Variants in TENM3 observed in about 807,000 individuals in gnomAD.
The protein encoded by TENM3 is teneurin-3.
Under a neutral mutation model 255.1 loss-of-function variants are expected in TENM3, and 63 were observed. The observed-to-expected ratio is 0.25, with a 90% CI of 0.20 to 0.30. The LOEUF (loss-of-function observed/expected upper bound fraction) is 0.30. Ranked by LOEUF, TENM3 falls within the 10% of genes least tolerant of loss-of-function variation. TENM3 has a pLI of 1.00. For synonymous variants in TENM3, 1,306 were observed against 1,322.3 expected (o/e 0.99, Z 0.27); for missense variants, 2,929 against 3,461.1 (o/e 0.85, Z 3.86).
chr4:182,326,763 A>T (rs1013844396), intron 2 of TENM3, among the ~76,000 whole-genome samples: 7 of 152,164 alleles, frequency 4.6e-5, no homozygotes, highest in Admixed American at 4.6e-4. Context: ...GACTGGTCTC[A>T]AACTCCTGGC....
the TENM3 span, among the ~76,000 whole-genome samples, chr4:181,956,619 G>A: frequency 1.3e-5 from 2 of 152,158 alleles, no homozygotes; most frequent in African/African-American, 4.8e-5. Flanking sequence ...CATCATTACT[G>A]TGCTGGAGAG....
At chr4:182,043,399 A>G in the TENM3 span, among the ~76,000 whole-genome samples, 1 of 152,176 alleles carries the variant, frequency 6.6e-6, no homozygotes, top group African/African-American at 2.4e-5. Flanking sequence ...CCTCTGTAAG[A>G]ATTTTTGCAC....
chr4:182,021,896 T>G, the TENM3 span, among the ~76,000 whole-genome samples: 1 of 152,302 alleles, frequency 6.6e-6, no homozygotes, highest in East Asian at 1.9e-4. Context: ...AAATAACATA[T>G]ACTGGCAAGG....
At chr4:182,026,520 C>T in the TENM3 span, among the ~76,000 whole-genome samples, 1 of 152,034 alleles carries the variant, frequency 6.6e-6, no homozygotes, top group Admixed American at 6.6e-5. Flanking sequence ...GGGGTATTAC[C>T]CAAGAAATAT....
At chr4:181,565,576 G>A in the TENM3 span, among the ~76,000 whole-genome samples, 1 of 152,222 alleles carries the variant, frequency 6.6e-6, no homozygotes, top group Non-Finnish European at 1.5e-5. Flanking sequence ...ACGCAGCAAA[G>A]TCAAAAGCTG....
At chr4:182,276,024 G>T (rs1384480538) in intron 1 of TENM3, among the ~76,000 whole-genome samples, 1 of 152,142 alleles carries the variant, frequency 6.6e-6, no homozygotes, top group Non-Finnish European at 1.5e-5. Context: ...GCTTGACTTG[G>T]CTGGTCAAGC....
the TENM3 span, among the ~76,000 whole-genome samples, chr4:182,131,416 T>C: frequency 1 from 152,069 of 152,272 alleles, 75,933 homozygotes; most frequent in East Asian, 1. Context: ...TTTATTTTAC[T>C]AAGTCTTTTG....
At chr4:182,778,970 A>T (rs1764919241) in intron 24 of TENM3, among the ~76,000 whole-genome samples, 1 of 148,418 alleles carries the variant, frequency 6.7e-6, no homozygotes, top group African/African-American at 2.5e-5. Flanking sequence ...TGTCTTGAAG[A>T]ATTGTTAGTA....
chr4:181,747,738 T>C, the TENM3 span, among the ~76,000 whole-genome samples: 2 of 152,176 alleles, frequency 1.3e-5, no homozygotes, highest in South Asian at 4.1e-4. Context: ...AAAAGTCTTA[T>C]CAACTTTATA....
chr4:182,030,366 G>A, the TENM3 span, among the ~76,000 whole-genome samples: 1 of 151,958 alleles, frequency 6.6e-6, no homozygotes, highest in African/African-American at 2.4e-5. Flanking sequence ...AGTTTGCTGA[G>A]GATAATGGCT....
chr4:181,867,142 C>G, the TENM3 span, among the ~76,000 whole-genome samples: 4 of 152,138 alleles, frequency 2.6e-5, no homozygotes, highest in African/African-American at 9.7e-5. Context: ...TCTAATTTCA[C>G]CGTGGAATTT....
At chr4:182,571,690 C>A (rs997360213) in intron 3 of TENM3, among the ~76,000 whole-genome samples, 5 of 152,076 alleles carry the variant, frequency 3.3e-5, no homozygotes, top group Non-Finnish European at 7.4e-5. Flanking sequence ...GTATTATGAT[C>A]TATGTTTCAG....
At chr4:182,277,414 G>A (rs1760079378) in intron 1 of TENM3, among the ~76,000 whole-genome samples, 1 of 151,978 alleles carries the variant, frequency 6.6e-6, no homozygotes, top group Non-Finnish European at 1.5e-5. Context: ...GAGAAACCAG[G>A]TATTTTCAAG....
the TENM3 span, among the ~76,000 whole-genome samples, chr4:182,021,409 C>G: frequency 6.6e-6 from 1 of 152,176 alleles, no homozygotes; most frequent in African/African-American, 2.4e-5. Flanking sequence ...TGGGCCTTTG[C>G]GTATCCTTCC....
chr4:181,767,271 AG>A, the TENM3 span, among the ~76,000 whole-genome samples: 636 of 147,698 alleles, frequency 4.3e-3, 5 homozygotes, highest in South Asian at 0.012. Flanking sequence ...AAAAAAAAAA[AG>A]AAAGAAAACA....
chr4:181,722,183 A>G, the TENM3 span, among the ~76,000 whole-genome samples: 1 of 152,336 alleles, frequency 6.6e-6, no homozygotes, highest in Non-Finnish European at 1.5e-5. Flanking sequence ...GAAGGGTAGC[A>G]GAACTGGGGA....
At chr4:181,997,159 A>G in the TENM3 span, among the ~76,000 whole-genome samples, 1 of 152,184 alleles carries the variant, frequency 6.6e-6, no homozygotes, top group Non-Finnish European at 1.5e-5. Context: ...TGTTTCACTT[A>G]TTCCACTTCA....
At chr4:181,667,749 T>A in the TENM3 span, among the ~76,000 whole-genome samples, 3 of 152,170 alleles carry the variant, frequency 2.0e-5, no homozygotes, top group Non-Finnish European at 4.4e-5. Flanking sequence ...TCACCCAGTC[T>A]TAGGTACTTT....
At chr4:182,678,799 C>A (rs901915222) in intron 7 of TENM3, among the ~76,000 whole-genome samples, 1 of 152,164 alleles carries the variant, frequency 6.6e-6, no homozygotes, top group Non-Finnish European at 1.5e-5. Flanking sequence ...CTAACTAAAA[C>A]AAGGTTGCTG....
Sources: gnomAD v4.1 joint callset for allele counts (sites outside exome capture counted in the v4.1 genomes callset) on GRCh38, gnomAD v4.1.1 for gene constraint, MANE v1.5 for transcripts, NCBI Gene and HGNC (gene_info 2026-07-23, HGNC 2026-07-21) for gene names.